RERE: variants seen among roughly 807,000 people sequenced by gnomAD.
RERE encodes arginine-glutamic acid dipeptide repeats, also known as arginine-glutamic acid dipeptide repeats protein.
In RERE, 40 loss-of-function variants were observed where a neutral mutation model predicts 146.1. That is an observed-to-expected ratio of 0.27 (90% CI 0.21 to 0.36). RERE has a LOEUF of 0.36. Ranked by LOEUF, RERE falls within the 10% of genes least tolerant of loss-of-function variation. The pLI, the probability that RERE is intolerant of heterozygous loss-of-function variation, is 1.00. For missense variants in RERE, 1,933 were observed against 2,138.7 expected, an observed-to-expected ratio of 0.90 and a Z score of 1.90; for synonymous variants, 1,003 against 866.0, an observed-to-expected ratio of 1.16 and a Z score of -2.78.
rs1641727491 is a variant in RERE at position 8,364,646 on chromosome 1, T to G, written c.1540+100A>C. 4.9e-6 allele frequency: 4 copies of G among 822,924 alleles called. No homozygotes were observed. Among genetic ancestry groups the G allele is most frequent in the South Asian group, 4.3e-5 (3 of 70,488 alleles). 51.0% of individuals were successfully genotyped at this position (822,924 alleles called of 1,614,324 possible). On this transcript the variant is annotated intron_variant, in intron 14 of 22. Transcript: ENST00000400908. This position sits in a 1 kb window ranked among gnomAD's most constrained non-coding sequence, Gnocchi z 5.1. The stretch of plus-strand genomic sequence containing the variant: ...AGCACAATGCAAATGTCAAATCAAG[T>G]ACTGTCCCTGGCAGGTTTCCAGCTG...
chr1:8,356,383 A>C lies in RERE; in HGVS notation c.4340-137T>G. 1 of 1,023,732 alleles carries C rather than the reference A, an allele frequency of 9.8e-7. No homozygotes were observed. 63.4% of individuals were successfully genotyped at this position (1,023,732 alleles called of 1,614,324 possible). On this transcript the variant is annotated intron_variant, in intron 20 of 22. Transcript: ENST00000400908. The surrounding 1 kb of genome is among the most constrained non-coding windows in gnomAD (Gnocchi z 5.2). ...CCAGGGCTGGATGCACCACCTGGCTACAGGTGGCCCTGCCCCAAAGTGGCT... is the reference window on the plus strand; with the variant it reads ...CCAGGGCTGGATGCACCACCTGGCTCCAGGTGGCCCTGCCCCAAAGTGGCT...
chr1:8,797,807 T>A (rs543414351), intron 1 of RERE, among the ~76,000 whole-genome samples: 1 of 152,234 alleles, frequency 6.6e-6, no homozygotes, highest in East Asian at 1.9e-4. Context: ...CAGTCTCTAG[T>A]AAGAGAAGCC....
intron 11 of RERE, chr1:8,464,879 G>A (rs1202985748): frequency 1.3e-5 from 2 of 152,106 alleles, no homozygotes; most frequent in South Asian, 4.1e-4. Context: ...TAAAACTTAA[G>A]ACTCCCAAGG....
intron 4 of RERE, among the ~76,000 whole-genome samples, chr1:8,570,317 T>A (rs986284600): frequency 6.6e-6 from 1 of 151,914 alleles, no homozygotes; most frequent in Non-Finnish European, 1.5e-5. Context: ...GGCGACAGAG[T>A]GAGACTCCAT....
intron 1 of RERE, among the ~76,000 whole-genome samples, chr1:8,756,852 G>C (rs951179620): frequency 3.3e-5 from 5 of 152,174 alleles, no homozygotes; most frequent in African/African-American, 9.7e-5. Context: ...AGCACTTTGG[G>C]AGGCTGAGGT....
chr1:8,541,421 C>G lies in RERE; in HGVS notation c.726-103G>C, dbSNP rs1645799456. The G allele has an allele frequency of 4.6e-6, 3 of 647,512 alleles. No homozygotes were observed. The South Asian group carries it at 5.8e-5, about 12-fold the overall frequency. 40.1% of individuals were successfully genotyped at this position (647,512 alleles called of 1,614,324 possible). The stretch of plus-strand genomic sequence containing the variant: ...GGAAGCACTGAACTAAGTCCATGTG[C>G]ATGGAGAATCGGCTACAAACACCAC... On this transcript the variant is annotated intron_variant, in intron 6 of 22. Coordinates refer to ENST00000400908, the MANE Select transcript of RERE (RefSeq NM_001042681.2).
intron 7 of RERE, among the ~76,000 whole-genome samples, chr1:8,510,260 G>A (rs1407619622): frequency 1.3e-5 from 2 of 152,082 alleles, no homozygotes; most frequent in Non-Finnish European, 2.9e-5. Flanking sequence ...AATGTGAAGG[G>A]GAGGTACCAA....
At chr1:8,798,588 GC>G in intron 1 of RERE, 1 of 220,032 alleles carries the variant, frequency 4.5e-6, no homozygotes. Flanking sequence ...ACCTCAGATC[GC>G]CCTTACAGCC....
intron 1 of RERE, among the ~76,000 whole-genome samples, chr1:8,742,738 T>C (rs1640334878): frequency 6.6e-6 from 1 of 151,856 alleles, no homozygotes; most frequent in African/African-American, 2.4e-5. Flanking sequence ...CGTGATGGGG[T>C]ATCCCTGTAG....
intron 11 of RERE, among the ~76,000 whole-genome samples, chr1:8,455,375 G>T (rs557188918): frequency 6.6e-6 from 1 of 152,264 alleles, no homozygotes; most frequent in Non-Finnish European, 1.5e-5. Context: ...TGTTAGAACA[G>T]CCAGATTCAC....
intron 1 of RERE, among the ~76,000 whole-genome samples, chr1:8,674,845 A>G (rs1638798880): frequency 6.6e-6 from 1 of 152,204 alleles, no homozygotes; most frequent in Admixed American, 6.5e-5. Context: ...GCATATACTG[A>G]AGAACTCTAG....
At chr1:8,632,120 T>A (rs1647042720) in intron 2 of RERE, among the ~76,000 whole-genome samples, 1 of 152,208 alleles carries the variant, frequency 6.6e-6, no homozygotes, top group Non-Finnish European at 1.5e-5. Flanking sequence ...TGATGAGAAC[T>A]GATATATGGC....
intron 6 of RERE, among the ~76,000 whole-genome samples, chr1:8,552,839 C>T (rs181278966): frequency 2.6e-4 from 39 of 151,894 alleles, no homozygotes; most frequent in Non-Finnish European, 8.8e-5. Flanking sequence ...TAGGGAAGTG[C>T]GTCCACACAC....
At chr1:8,416,598 A>AAAAG (rs1643779761) in intron 12 of RERE, among the ~76,000 whole-genome samples, 1 of 147,682 alleles carries the variant, frequency 6.8e-6, no homozygotes, top group African/African-American at 2.5e-5. Flanking sequence ...AAAAAAAAAA[A>AAAAG]AAAAGAAAAG....
intron 4 of RERE, among the ~76,000 whole-genome samples, chr1:8,578,427 C>T (rs1182094893): frequency 6.6e-6 from 1 of 152,128 alleles, no homozygotes; most frequent in Non-Finnish European, 1.5e-5. Flanking sequence ...ATTACAAACG[C>T]ATTGAACTAA....
Position 8,354,944 on chromosome 1 carries a change from T to C in RERE, c.*143A>G. On this transcript the variant is annotated 3_prime_UTR_variant, in exon 23 of 23. Transcript: ENST00000400908. ...AAACGAACACTACTATGTGGATACA[T>C]TTTTAGTTGTGGGTTTTTAAATATA... 1.4e-6 allele frequency: 1 copy of C among 693,634 alleles called. No homozygotes were observed. Among genetic ancestry groups the C allele is most frequent in the Non-Finnish European group, 2.4e-6 (1 of 411,434 alleles). The allele number at this position is 693,634 out of a possible 1,614,324, so 43.0% of individuals were successfully genotyped here.
chr1:8,384,356 G>C (rs1397488518), intron 12 of RERE, among the ~76,000 whole-genome samples: 1 of 152,168 alleles, frequency 6.6e-6, no homozygotes, highest in Non-Finnish European at 1.5e-5. Flanking sequence ...TAGGGGTAAA[G>C]AGATGTGCTG....
Position 8,624,367 on chromosome 1 carries a change from G to C in RERE, c.339C>G (p.Ile113Met), listed in dbSNP as rs765937275. 1.9e-5 allele frequency: 31 copies of C among 1,609,520 alleles called. No individual in the cohort carries two copies. Among genetic ancestry groups the C allele is most frequent in the Non-Finnish European group, 2.5e-5 (29 of 1,177,938 alleles). The change falls in exon 3 of 23, where the codon ATC becomes ATG. Residue 113 changes from isoleucine (I) to methionine (M), a missense_variant. Physicochemically the swap from Ile to Met is conservative, Grantham distance 10. Coordinates refer to ENST00000400908, the MANE Select transcript of RERE (RefSeq NM_001042681.2). Reference sequence around the variant, plus strand: ...ACGGTGTGTTTGGCCTCCGACTCTCGATATACACACAGTCTTTAAAAGAAA... The same window carrying C: ...ACGGTGTGTTTGGCCTCCGACTCTCCATATACACACAGTCTTTAAAAGAAA... ...VVYRPGDCVY[I>M]ESRRPNTPYF...
intron 8 of RERE, among the ~76,000 whole-genome samples, chr1:8,505,509 T>C (rs1645238688): frequency 6.6e-6 from 1 of 152,216 alleles, no homozygotes; most frequent in Non-Finnish European, 1.5e-5. Flanking sequence ...TCCCTGCTTT[T>C]GTATATGTTA....
Sources: allele counts gnomAD v4.1 joint callset (sites outside exome capture counted in the v4.1 genomes callset), GRCh38; gene constraint gnomAD v4.1.1; non-coding constraint Gnocchi (gnomAD v3.1); transcripts MANE v1.5; gene names NCBI Gene and HGNC (gene_info 2026-07-23, HGNC 2026-07-21).